The following CFAP299 variants were observed in gnomAD, a reference collection of about 807,000 sequenced individuals.
The protein encoded by CFAP299 is cilia- and flagella-associated protein 299.
CFAP299 carries 21 observed loss-of-function variants against 27.0 expected under a neutral mutation model. That is an observed-to-expected ratio of 0.78 (90% CI 0.55 to 1.12). The LOEUF (loss-of-function observed/expected upper bound fraction) is 1.12, where lower values mean the gene tolerates loss of function less well. CFAP299 is among the 50% of genes most tolerant of loss of function. The probability of loss-of-function intolerance (pLI) is 0.00; values close to 1 mark genes in which losing one functional copy is unlikely to be tolerated. For missense variants in CFAP299, 310 were observed against 276.6 expected (o/e 1.12, Z -0.86); for synonymous variants, 104 against 98.1 (o/e 1.06, Z -0.36).
At chr4:80,722,417 C>CA (rs549576773) in intron 3 of CFAP299, among the ~76,000 whole-genome samples, 2,569 of 109,252 alleles carry the variant, frequency 0.024, 42 homozygotes, top group African/African-American at 0.049. Flanking sequence ...AACTCCATCT[C>CA]AAAAAAAAAA....
chr4:80,922,561 A>G (rs1186414805), intron 4 of CFAP299, among the ~76,000 whole-genome samples: 2 of 152,068 alleles, frequency 1.3e-5, no homozygotes, highest in Non-Finnish European at 2.9e-5. Flanking sequence ...AACCTTACAA[A>G]GCATATCATG....
chr4:80,397,672 T>C (rs1047302059), intron 2 of CFAP299, among the ~76,000 whole-genome samples: 1 of 152,120 alleles, frequency 6.6e-6, no homozygotes, highest in Non-Finnish European at 1.5e-5. Flanking sequence ...AATTAGGTAT[T>C]GATGGGACAT....
chr4:80,691,746 G>A (rs1172257931), intron 3 of CFAP299, among the ~76,000 whole-genome samples: 2 of 152,094 alleles, frequency 1.3e-5, no homozygotes, highest in Non-Finnish European at 2.9e-5. Flanking sequence ...AAAAGAGGAA[G>A]TCAAATTGTC....
At chr4:80,387,747 C>T in intron 2 of CFAP299, 2 of 1,588,280 alleles carry the variant, frequency 1.3e-6, no homozygotes, top group East Asian at 2.2e-5. Context: ...AGATGTGCTG[C>T]TGCAGGTCGA....
intron 4 of CFAP299, among the ~76,000 whole-genome samples, chr4:80,894,824 T>C (rs935854680): frequency 6.6e-6 from 1 of 151,896 alleles, no homozygotes; most frequent in East Asian, 1.9e-4. Flanking sequence ...TAATGGAATA[T>C]TATTCAGCCT....
intron 3 of CFAP299, among the ~76,000 whole-genome samples, chr4:80,583,999 T>C (rs1290165530): frequency 6.6e-6 from 1 of 151,902 alleles, no homozygotes; most frequent in Non-Finnish European, 1.5e-5. Context: ...ACTGAAAATA[T>C]CACATGCAGG....
rs908347642 is a variant in CFAP299, at chr4:80,387,386, T to C, written c.242+24502T>C. The C allele has an allele frequency of 3.5e-6, 4 of 1,144,588 alleles. No individual in the cohort carries two copies. The African/African-American group carries it at 4.5e-5, about 13-fold the overall frequency. 70.9% of individuals were successfully genotyped at this position (1,144,588 alleles called of 1,614,324 possible). A position where few individuals can be genotyped will look rare whatever the true frequency, so the allele number is the denominator to read the frequency against. On this transcript the variant is annotated intron_variant, in intron 2 of 5. Coordinates refer to ENST00000358105, the MANE Select transcript of CFAP299 (RefSeq NM_152770.3). ...ATGCTGGGTCATGTGAGACTTGAGC[T>C]GGAAATAGGTGCTGAACTTGCTGGG...
At chr4:80,793,099 ATGTG>A (rs149555055) in intron 3 of CFAP299, among the ~76,000 whole-genome samples, 2,216 of 145,200 alleles carry the variant, frequency 0.015, 21 homozygotes, top group African/African-American at 0.036. Flanking sequence ...CCTATTAGTT[ATGTG>A]TGTGTGTGTG....
chr4:80,446,959 A>AT (rs902978606), intron 2 of CFAP299, among the ~76,000 whole-genome samples: 155 of 151,434 alleles, frequency 1.0e-3, no homozygotes, highest in African/African-American at 3.4e-3. Flanking sequence ...TGGTTCAGGA[A>AT]TTTTTTTTTA....
intron 3 of CFAP299, among the ~76,000 whole-genome samples, chr4:80,687,184 G>A (rs773547730): frequency 3.6e-4 from 55 of 152,104 alleles, no homozygotes; most frequent in Non-Finnish European, 6.9e-4. Flanking sequence ...CCTCTAACCT[G>A]AGCTCTCTCA....
At chr4:80,431,114 C>T (rs1727792851) in intron 2 of CFAP299, among the ~76,000 whole-genome samples, 1 of 152,086 alleles carries the variant, frequency 6.6e-6, no homozygotes, top group Non-Finnish European at 1.5e-5. Flanking sequence ...TTGCATTTAC[C>T]CTGTCTAACA....
At chr4:80,382,551 A>C (rs564303795) in intron 2 of CFAP299, among the ~76,000 whole-genome samples, 2 of 152,360 alleles carry the variant, frequency 1.3e-5, no homozygotes, top group South Asian at 4.1e-4. Context: ...TTTTCAAAAG[A>C]AGACATACAT....
In CFAP299 at chr4:80,365,095, A is replaced by G. The variant is rs145518626; in HGVS notation, c.242+2211A>G. On this transcript the variant is annotated intron_variant, in intron 2 of 5. Transcript: ENST00000358105. ...ATGCATGTATCTTTATAATAGAATG[A>G]TTTATATTCCTTTGGGTATATACTC... is the stretch of plus-strand genomic sequence containing the variant. Among the ~76,000 whole-genome samples, 950 of 152,318 alleles carry G rather than the reference A, an allele frequency of 6.2e-3. 2 individuals carry two copies. Among genetic ancestry groups the G allele is most frequent in the Middle Eastern group, 0.024 (7 of 292 alleles).
intron 3 of CFAP299, among the ~76,000 whole-genome samples, chr4:80,839,318 G>A (rs1480367771): frequency 6.6e-6 from 1 of 152,034 alleles, no homozygotes; most frequent in Non-Finnish European, 1.5e-5. Context: ...CTAGAACATT[G>A]TCTAGAATGT....
chr4:80,662,411 GAAA>G (rs5859731), intron 3 of CFAP299, among the ~76,000 whole-genome samples: 1 of 143,994 alleles, frequency 6.9e-6, no homozygotes, highest in African/African-American at 2.6e-5. Context: ...AATTTCCCCC[GAAA>G]AAAAAAAAAA....
At chr4:80,530,128 A>C (rs1733397472) in intron 2 of CFAP299, among the ~76,000 whole-genome samples, 1 of 152,192 alleles carries the variant, frequency 6.6e-6, no homozygotes, top group South Asian at 2.1e-4. Flanking sequence ...TATTAAGTCC[A>C]CAAGGGATTT....
chr4:80,353,699 G>T (rs564808447), intron 1 of CFAP299, among the ~76,000 whole-genome samples: 1 of 152,074 alleles, frequency 6.6e-6, no homozygotes, highest in South Asian at 2.1e-4. Context: ...CCCTGGGCAG[G>T]TTGAGAGGGC....
intron 3 of CFAP299, among the ~76,000 whole-genome samples, chr4:80,644,557 A>G (rs144634793): frequency 6.0e-4 from 91 of 152,142 alleles, no homozygotes; most frequent in Non-Finnish European, 1.1e-3. Context: ...TTATACTACT[A>G]TCCTATTTGC....
Position 80,733,415 on chromosome 4 carries a change from A to T in CFAP299, c.334-136578A>T, listed in dbSNP as rs150491851. 5.0e-3 allele frequency among the ~76,000 whole-genome samples: 767 copies of T among 152,236 alleles called. 4 individuals carry two copies. The highest frequency in any genetic ancestry group is 0.02 in the Middle Eastern group (6 of 294). Reference sequence around the variant, plus strand: ...GCAATGCATAATAATCATATCATGGAAAATTGGATATCCATCCCCTCAAGC... The same window carrying T: ...GCAATGCATAATAATCATATCATGGTAAATTGGATATCCATCCCCTCAAGC... On this transcript the variant is annotated intron_variant, in intron 3 of 5. Transcript: ENST00000358105.
Sources: gnomAD v4.1 joint callset for allele counts (sites outside exome capture counted in the v4.1 genomes callset) on GRCh38, gnomAD v4.1.1 for gene constraint, MANE v1.5 for transcripts, NCBI Gene and HGNC (gene_info 2026-07-23, HGNC 2026-07-21) for gene names.